Variants in CREG2 observed in about 807,000 individuals in gnomAD.
CREG2 encodes protein CREG2.
Under a neutral mutation model 26.2 loss-of-function variants are expected in CREG2, and 24 were observed. The ratio of observed to expected loss-of-function variants is 0.92; its 90% CI spans 0.66 to 1.29. The LOEUF (loss-of-function observed/expected upper bound fraction) is 1.29, where lower values mean the gene tolerates loss of function less well. CREG2 is among the 50% of genes most tolerant of loss of function. CREG2 has a pLI of 0.00. For missense variants in CREG2, 366 were observed against 398.6 expected, an observed-to-expected ratio of 0.92 and a Z score of 0.70; for synonymous variants, 174 against 169.2, an observed-to-expected ratio of 1.03 and a Z score of -0.22.
At chr2:101,367,688 A>G (rs1463187024) in intron 2 of CREG2, among the ~76,000 whole-genome samples, 3 of 151,972 alleles carry the variant, frequency 2.0e-5, no homozygotes. Flanking sequence ...TGCACATGTG[A>G]TTAAGTTAGG....
intron 2 of CREG2, among the ~76,000 whole-genome samples, chr2:101,359,551 C>G (rs1684510337): frequency 6.6e-6 from 1 of 152,182 alleles, no homozygotes. Flanking sequence ...TTCCCTGGCA[C>G]TGGGTGTGAC....
intron 3 of CREG2, among the ~76,000 whole-genome samples, chr2:101,353,664 C>T (rs1184913130): frequency 6.6e-6 from 1 of 152,132 alleles, no homozygotes; most frequent in Non-Finnish European, 1.5e-5. Context: ...TACATGCACA[C>T]GTATGTTTAT....
intron 2 of CREG2, among the ~76,000 whole-genome samples, chr2:101,362,345 C>T (rs1453157235): frequency 6.6e-6 from 1 of 152,100 alleles, no homozygotes; most frequent in Non-Finnish European, 1.5e-5. Flanking sequence ...TTGTTTAGCC[C>T]CTAAGAAAAT....
intron 3 of CREG2, among the ~76,000 whole-genome samples, chr2:101,354,352 GTGAACAT>G (rs1684423709): frequency 1.3e-5 from 2 of 152,214 alleles, no homozygotes; most frequent in Non-Finnish European, 1.5e-5. Flanking sequence ...ATGAGCTCAT[GTGAACAT>G]ATCCAATCCC....
chr2:101,360,262 T>A (rs1684520233), intron 2 of CREG2, among the ~76,000 whole-genome samples: 1 of 152,162 alleles, frequency 6.6e-6, no homozygotes, highest in Non-Finnish European at 1.5e-5. Context: ...TAAGAAAATG[T>A]ACAAATACTA....
rs925215862 is a variant in CREG2, at chr2:101,348,624, A to G, written c.*2299T>C. The G allele has an allele frequency of 1.3e-5, 2 of 152,074 alleles. No individual in the cohort carries two copies. The highest frequency in any genetic ancestry group is 2.9e-5 in the Non-Finnish European group (2 of 68,018). 9.4% of individuals were successfully genotyped at this position (152,074 alleles called of 1,614,324 possible). The stretch of plus-strand genomic sequence containing the variant: ...ATAGAGAAATGCAATTGACTTTTGT[A>G]TGCTGATCTTGTGTCCTGAGACCTT... On this transcript the variant is annotated 3_prime_UTR_variant, in exon 4 of 4. Coordinates refer to ENST00000324768, the MANE Select transcript of CREG2 (RefSeq NM_153836.4).
At chr2:101,377,532 A>G (rs1034641950) in intron 2 of CREG2, among the ~76,000 whole-genome samples, 21 of 152,190 alleles carry the variant, frequency 1.4e-4, no homozygotes, top group African/African-American at 5.1e-4. Context: ...ATCAATATTG[A>G]TTGAATTTTC....
chr2:101,374,300 C>T (rs1461111230), intron 2 of CREG2, among the ~76,000 whole-genome samples: 1 of 152,212 alleles, frequency 6.6e-6, no homozygotes, highest in Non-Finnish European at 1.5e-5. Context: ...TTGCTTGAAT[C>T]TGGGAGGTGG....
At chr2:101,369,440 G>T (rs1023034841) in intron 2 of CREG2, among the ~76,000 whole-genome samples, 1 of 152,190 alleles carries the variant, frequency 6.6e-6, no homozygotes, top group African/African-American at 2.4e-5. Flanking sequence ...CAGGAAGCAG[G>T]TGGACTTGGG....
intron 2 of CREG2, among the ~76,000 whole-genome samples, chr2:101,377,411 C>T (rs1684809769): frequency 6.6e-6 from 1 of 152,176 alleles, no homozygotes; most frequent in Non-Finnish European, 1.5e-5. Flanking sequence ...GCTTGCTGCC[C>T]TGATTCACCA....
chr2:101,355,154 A>C, intron 3 of CREG2, 99 bp downstream of exon 3: 1 of 774,476 alleles, frequency 1.3e-6, no homozygotes, highest in Non-Finnish European at 2.2e-6. Flanking sequence ...AGTGGAGACC[A>C]ATCACTTATT....
chr2:101,363,918 A>T (rs914173679), intron 2 of CREG2, among the ~76,000 whole-genome samples: 2 of 152,016 alleles, frequency 1.3e-5, no homozygotes, highest in Non-Finnish European at 2.9e-5. Context: ...AGTGGATTGG[A>T]CCACCCAATC....
intron 2 of CREG2, 106 bp downstream of exon 2, chr2:101,383,427 A>G (rs925072788): frequency 1.3e-5 from 13 of 991,478 alleles, no homozygotes; most frequent in Non-Finnish European, 2.0e-5. Flanking sequence ...ATCAATGTGC[A>G]TCTCAGAGTT....
intron 3 of CREG2, among the ~76,000 whole-genome samples, chr2:101,352,526 G>A (rs1189639977): frequency 5.3e-5 from 8 of 152,206 alleles, no homozygotes; most frequent in Admixed American, 2.6e-4. Flanking sequence ...GGTAGTGCCT[G>A]GCTGGGCGTA....
intron 3 of CREG2, among the ~76,000 whole-genome samples, chr2:101,351,833 A>G (rs1168561949): frequency 6.6e-6 from 1 of 152,210 alleles, no homozygotes; most frequent in Non-Finnish European, 1.5e-5. Context: ...CCAAACTGGG[A>G]AAAACATTTA....
At chr2:101,369,014 C>A (rs753132336) in intron 2 of CREG2, among the ~76,000 whole-genome samples, 1 of 152,152 alleles carries the variant, frequency 6.6e-6, no homozygotes, top group Non-Finnish European at 1.5e-5. Flanking sequence ...GAGTGATGTC[C>A]GAGGCTGGAA....
chr2:101,377,311 T>G (rs921194299), intron 2 of CREG2, among the ~76,000 whole-genome samples: 3 of 152,176 alleles, frequency 2.0e-5, no homozygotes, highest in African/African-American at 7.2e-5. Context: ...TCTTTGGGTT[T>G]CATTTACATC....
chr2:101,370,643 C>T (rs897896867), intron 2 of CREG2, among the ~76,000 whole-genome samples: 5 of 152,060 alleles, frequency 3.3e-5, no homozygotes, highest in Admixed American at 2.0e-4. Flanking sequence ...ATCCGAAGGC[C>T]CTTATTTTCA....
rs1352246486 is a variant in CREG2 at position 101,383,536 on chromosome 2, C to A, written c.608G>T (p.Cys203Phe). The change falls in exon 2 of 4, where the codon TGC (cysteine) becomes TTC (phenylalanine). Residue 203 changes from cysteine to phenylalanine, a missense_variant. Cys to Phe is a radical substitution (Grantham distance 205, BLOSUM62 -2). Coordinates refer to ENST00000324768, the MANE Select transcript of CREG2 (RefSeq NM_153836.4). ...LMLPESEGEF[C>F]RKNIVDPEDP... ...GTGAGGGCAAACCGTCGTCTACCTG[C>A]AGAACTCCCCTTCTGATTCTGGCAG... 6.2e-7 allele frequency: 1 copy of A among 1,613,796 alleles called. No individual in the cohort carries two copies.
Sources: gnomAD v4.1 joint callset for allele counts (sites outside exome capture counted in the v4.1 genomes callset) on GRCh38, gnomAD v4.1.1 for gene constraint, MANE v1.5 for transcripts, NCBI Gene and HGNC (gene_info 2026-07-23, HGNC 2026-07-21) for gene names.